The following DOCK3 variants were observed in gnomAD, a reference collection of about 807,000 sequenced individuals.
DOCK3 encodes the protein dedicator of cytokinesis 3.
Under a neutral mutation model 265.6 loss-of-function variants are expected in DOCK3, and 60 were observed. That is an observed-to-expected ratio of 0.23 (90% CI 0.18 to 0.28). The LOEUF (loss-of-function observed/expected upper bound fraction) is 0.28, where lower values mean the gene tolerates loss of function less well. Ranked by LOEUF, DOCK3 falls within the 10% of genes least tolerant of loss-of-function variation. The probability of loss-of-function intolerance (pLI) is 1.00; values close to 1 mark genes in which losing one functional copy is unlikely to be tolerated. For synonymous variants in DOCK3, 881 were observed against 938.0 expected, an observed-to-expected ratio of 0.94 and a Z score of 1.11; for missense variants, 1,981 against 2,594.3, an observed-to-expected ratio of 0.76 and a Z score of 5.14.
rs1360557615 is a variant in DOCK3 at position 51,159,494 on chromosome 3, C to CG, written c.889+197dup. ...TAGCTTGGTTTGATATAAATGGATTCGGGGGGGTGGGTTTTGTTTGTGTTT... is the reference window on the plus strand; with the variant it reads ...TAGCTTGGTTTGATATAAATGGATTCGGGGGGGGTGGGTTTTGTTTGTGTTT... On this transcript the variant is annotated intron_variant, in intron 11 of 52. Coordinates refer to ENST00000266037, the MANE Select transcript of DOCK3 (RefSeq NM_004947.5). Among the ~76,000 whole-genome samples, 8 of 151,824 alleles carry CG rather than the reference C, an allele frequency of 5.3e-5. No homozygotes were observed. In the South Asian group the frequency reaches 1.0e-3, roughly 20 times the overall value.
intron 25 of DOCK3, chr3:51,276,236 A>G (rs955605180): frequency 1.9e-5 from 7 of 362,498 alleles, no homozygotes; most frequent in East Asian, 1.7e-4. Flanking sequence ...GAGAGTGACT[A>G]TGATGGTGAT....
At chr3:50,806,016 G>C (rs1386444219) in intron 2 of DOCK3, among the ~76,000 whole-genome samples, 1 of 151,872 alleles carries the variant, frequency 6.6e-6, no homozygotes, top group Non-Finnish European at 1.5e-5. Context: ...TGCTCAGCTG[G>C]CCTGGGGGTG....
intron 1 of DOCK3, among the ~76,000 whole-genome samples, chr3:50,704,146 A>G (rs994099763): frequency 4.6e-5 from 7 of 152,130 alleles, no homozygotes; most frequent in South Asian, 2.1e-4. Context: ...AAGATACTTG[A>G]TATCATTTTG....
chr3:50,874,066 G>GTTTTTTTTTTTTT (rs3043436), intron 3 of DOCK3, among the ~76,000 whole-genome samples: 1 of 106,230 alleles, frequency 9.4e-6, no homozygotes, highest in African/African-American at 3.2e-5. Context: ...CTTTTCTTTT[G>GTTTTTTTTTTTTT]TTTTTTTTTT....
At chr3:50,778,275 GATTCTTTTAAAAA>G (rs1644432985) in intron 1 of DOCK3, among the ~76,000 whole-genome samples, 1 of 151,978 alleles carries the variant, frequency 6.6e-6, no homozygotes, top group Admixed American at 6.6e-5. Flanking sequence ...TTTATTTGAT[GATTCTTTTAAAAA>G]ATATCTATTT....
chr3:50,916,170 G>T (rs1575521800), intron 4 of DOCK3, among the ~76,000 whole-genome samples: 2 of 152,172 alleles, frequency 1.3e-5, no homozygotes, highest in East Asian at 3.9e-4. Context: ...CCTCAGCTGG[G>T]TTTAAGTTCC....
At chr3:51,308,222 CTTT>C (rs779774728) in intron 27 of DOCK3, among the ~76,000 whole-genome samples, 2 of 132,580 alleles carry the variant, frequency 1.5e-5, no homozygotes, top group African/African-American at 2.8e-5. Flanking sequence ...ATCCATTTTT[CTTT>C]TTTTTTTTTT....
intron 12 of DOCK3, among the ~76,000 whole-genome samples, chr3:51,188,792 G>A (rs1230152580): frequency 2.8e-5 from 4 of 144,024 alleles, no homozygotes; most frequent in Admixed American, 7.1e-5. Context: ...TGTGTCGGGG[G>A]ATGTGGGGGT....
chr3:50,934,055 G>A lies in DOCK3; in HGVS notation c.293G>A (p.Ser98Asn), dbSNP rs751949938. 6 of 1,610,408 alleles carry A rather than the reference G, an allele frequency of 3.7e-6. No homozygotes were observed. The highest frequency in any genetic ancestry group is 5.1e-6 in the Non-Finnish European group (6 of 1,177,974). ...EVTATLQEWA[S>N]LWKQLYVKHK... ...ACAGCAACTCTACAAGAATGGGCAA[G>A]TTTGTGGAAACAGTTGTATGTGGTA... is the stretch of plus-strand genomic sequence containing the variant. Residue 98 changes from serine (S) to asparagine (N), a missense_variant, in exon 5 of 53, where the codon AGT becomes AAT. Around this residue, in one of 4 missense-constraint regions of DOCK3, gnomAD observed 456 missense variants for 539.0 expected, o/e 0.85. Coordinates refer to ENST00000266037, the MANE Select transcript of DOCK3 (RefSeq NM_004947.5).
At chr3:50,682,023 T>C (rs1487468089) in intron 1 of DOCK3, among the ~76,000 whole-genome samples, 1 of 152,268 alleles carries the variant, frequency 6.6e-6, no homozygotes, top group African/African-American at 2.4e-5. Flanking sequence ...AATGACTCCC[T>C]GTAGTTTCTT....
intron 5 of DOCK3, among the ~76,000 whole-genome samples, chr3:50,992,455 G>A (rs1277923171): frequency 6.6e-6 from 1 of 152,116 alleles, no homozygotes; most frequent in African/African-American, 2.4e-5. Flanking sequence ...GTGCCACCAT[G>A]TCTGGCTAAT....
intron 1 of DOCK3, among the ~76,000 whole-genome samples, chr3:50,684,183 G>T (rs1256158779): frequency 1.1e-4 from 16 of 151,922 alleles, no homozygotes; most frequent in Admixed American, 9.2e-4. Flanking sequence ...AAGCATTGCT[G>T]CTTCTACTGC....
At chr3:51,064,335 C>A (rs2109272135) in intron 5 of DOCK3, 113 bp from the exon 6 acceptor site, 2 of 1,356,702 alleles carry the variant, frequency 1.5e-6, no homozygotes, top group Non-Finnish European at 2.0e-6. Context: ...CTTTATATTA[C>A]CTTAGTAGTT....
intron 5 of DOCK3, among the ~76,000 whole-genome samples, chr3:51,052,096 A>G (rs1238086204): frequency 2.6e-5 from 4 of 152,204 alleles, no homozygotes; most frequent in Non-Finnish European, 5.9e-5. Context: ...AAGAATTATG[A>G]AACTCCAGAG....
chr3:51,158,147 CAG>C (rs773532343), intron 10 of DOCK3, among the ~76,000 whole-genome samples: 2 of 152,098 alleles, frequency 1.3e-5, no homozygotes, highest in African/African-American at 2.4e-5. Flanking sequence ...AAATCTGAAA[CAG>C]AATATATATT....
intron 9 of DOCK3, among the ~76,000 whole-genome samples, chr3:51,130,689 T>A (rs1014878754): frequency 6.6e-6 from 1 of 152,138 alleles, no homozygotes; most frequent in Non-Finnish European, 1.5e-5. Context: ...AAGGATGCAA[T>A]ATTGGTTTTT....
intron 21 of DOCK3, among the ~76,000 whole-genome samples, chr3:51,238,634 G>A (rs115631383): frequency 0.011 from 1,675 of 151,966 alleles, 42 homozygotes; most frequent in African/African-American, 0.036. Context: ...GATAGGCCTC[G>A]GTGTGTTTTG....
At chr3:51,016,597 A>G (rs1215775611) in intron 5 of DOCK3, among the ~76,000 whole-genome samples, 4 of 88,466 alleles carry the variant, frequency 4.5e-5, no homozygotes, top group African/African-American at 9.4e-5. Flanking sequence ...TATATTATAT[A>G]TGATATATAT....
chr3:51,174,179 G>A (rs537066447), intron 12 of DOCK3, among the ~76,000 whole-genome samples: 1 of 152,204 alleles, frequency 6.6e-6, no homozygotes, highest in African/African-American at 2.4e-5. Flanking sequence ...TCTTGGCTGG[G>A]CATGGTGGCT....
Sources: allele counts gnomAD v4.1 joint callset (sites outside exome capture counted in the v4.1 genomes callset), GRCh38; gene constraint gnomAD v4.1.1; regional missense constraint gnomAD v4.1.1; transcripts MANE v1.5; gene names NCBI Gene and HGNC (gene_info 2026-07-23, HGNC 2026-07-21).